NAALADL2: variants seen among roughly 807,000 people sequenced by gnomAD.
NAALADL2 encodes the protein inactive N-acetylated-alpha-linked acidic dipeptidase-like protein 2.
Under a neutral mutation model 87.2 loss-of-function variants are expected in NAALADL2, and 76 were observed. The observed-to-expected ratio is 0.87, with a 90% CI of 0.72 to 1.05. The LOEUF (loss-of-function observed/expected upper bound fraction) is 1.05, where lower values mean the gene tolerates loss of function less well. Ranked by LOEUF, NAALADL2 falls within the 50% of genes least tolerant of loss-of-function variation. NAALADL2 has a pLI of 0.00. For missense variants in NAALADL2, 1,089 were observed against 945.8 expected (o/e 1.15, Z -1.99); for synonymous variants, 354 against 331.0 (o/e 1.07, Z -0.75).
At chr3:174,740,563 T>A (rs1396419077) in intron 3 of NAALADL2, among the ~76,000 whole-genome samples, 1 of 151,888 alleles carries the variant, frequency 6.6e-6, no homozygotes, top group African/African-American at 2.4e-5. Context: ...AGCTCCTGTG[T>A]GAATATTGCA....
At chr3:174,646,595 A>C in intron 2 of NAALADL2, among the ~76,000 whole-genome samples, 1 of 116,518 alleles carries the variant, frequency 8.6e-6, no homozygotes, top group Admixed American at 7.9e-5. Context: ...GAATTCTTTT[A>C]AGATAAACTT....
At position 174,907,539 on chromosome 3, in the gene NAALADL2, G is replaced by GTACAA. The variant is rs1733125534; in HGVS notation, c.43+48089_43+48090insTACAA. 3.9e-5 allele frequency among the ~76,000 whole-genome samples: 6 copies of GTACAA among 152,126 alleles called. No homozygotes were observed. The South Asian group carries it at 1.0e-3, about 26-fold the overall frequency. On this transcript the variant is annotated intron_variant, in intron 1 of 13. Coordinates refer to ENST00000454872, the MANE Select transcript of NAALADL2 (RefSeq NM_207015.3). Reference sequence around the variant, plus strand: ...TCTCATGGCTCTGTATACTATAGAGGAATGTTACAAAAAACATTGAGATTA... The same window carrying GTACAA: ...TCTCATGGCTCTGTATACTATAGAGGTACAAAATGTTACAAAAAACATTGAGATTA...
At chr3:175,667,189 A>AAGAAAGAAAG in intron 11 of NAALADL2, among the ~76,000 whole-genome samples, 1 of 83,104 alleles carries the variant, frequency 1.2e-5, no homozygotes. Context: ...AAGAGAAAGA[A>AAGAAAGAAAG]AGAAAGAAAG....
At chr3:174,489,685 A>T (rs1358409976) in intron 1 of NAALADL2, among the ~76,000 whole-genome samples, 1 of 152,102 alleles carries the variant, frequency 6.6e-6, no homozygotes, top group Non-Finnish European at 1.5e-5. Context: ...TTCTCAGAAG[A>T]AGAAGACATG....
rs1440633273 is a variant in NAALADL2 at position 174,808,184 on chromosome 3, A to G, written c.-9+70438A>G. On this transcript the variant is annotated intron_variant, in intron 3 of 3. Coordinates refer to the NAALADL2 transcript ENST00000434257. ...CATACAGGTATCATTTGCCATGAAC[A>G]AATTCACTATGAAGAGTTGATGCTT... 2.0e-5 allele frequency among the ~76,000 whole-genome samples: 3 copies of G among 152,156 alleles called. No homozygotes were observed. In the East Asian group the frequency reaches 5.8e-4, roughly 29 times the overall value.
chr3:174,957,712 T>C lies in NAALADL2; in HGVS notation c.43+98262T>C, dbSNP rs116512364. ...GCTTGGAATAGAATCTTTAAATGAA[T>C]AGCATATTAACTCTCAGAGATGACA... On this transcript the variant is annotated intron_variant, in intron 1 of 13. Coordinates refer to ENST00000454872, the MANE Select transcript of NAALADL2 (RefSeq NM_207015.3). 1.9e-3 allele frequency among the ~76,000 whole-genome samples: 290 copies of C among 152,078 alleles called. 1 individual carries two copies. The highest frequency in any genetic ancestry group is 3.9e-3 in the Non-Finnish European group (263 of 67,926).
At chr3:175,421,786 G>T (rs1349200066) in intron 5 of NAALADL2, among the ~76,000 whole-genome samples, 1 of 152,036 alleles carries the variant, frequency 6.6e-6, no homozygotes, top group African/African-American at 2.4e-5. Context: ...GCCTGGGAGG[G>T]TGTTATATAT....
intron 1 of NAALADL2, among the ~76,000 whole-genome samples, chr3:175,019,265 T>G (rs1427632831): frequency 6.6e-6 from 1 of 152,044 alleles, no homozygotes; most frequent in Non-Finnish European, 1.5e-5. Flanking sequence ...AGTGTCTGCC[T>G]ATACCTGGTA....
chr3:175,320,235 A>C (rs2110387457), intron 4 of NAALADL2, among the ~76,000 whole-genome samples: 1 of 152,384 alleles, frequency 6.6e-6, no homozygotes, highest in African/African-American at 2.4e-5. Flanking sequence ...TTTTTACAAA[A>C]AAAAATCAAT....
At chr3:175,150,512 G>A (rs1731395015) in intron 2 of NAALADL2, among the ~76,000 whole-genome samples, 1 of 152,104 alleles carries the variant, frequency 6.6e-6, no homozygotes, top group South Asian at 2.1e-4. Flanking sequence ...TATATGGTGA[G>A]TGCACCCACA....
intron 4 of NAALADL2, among the ~76,000 whole-genome samples, chr3:175,290,435 A>T (rs1423222477): frequency 6.6e-6 from 1 of 152,210 alleles, no homozygotes; most frequent in Non-Finnish European, 1.5e-5. Context: ...GTGGTTTCCT[A>T]CAATTGGCAG....
At chr3:175,730,379 C>T (rs1486801190) in intron 11 of NAALADL2, among the ~76,000 whole-genome samples, 1 of 116,144 alleles carries the variant, frequency 8.6e-6, no homozygotes, top group Non-Finnish European at 1.7e-5. Context: ...AGAGTATTTT[C>T]AGAAAACTTA....
intron 3 of NAALADL2, among the ~76,000 whole-genome samples, chr3:174,802,524 G>A (rs957892003): frequency 1.2e-4 from 18 of 152,076 alleles, no homozygotes; most frequent in Non-Finnish European, 2.4e-4. Flanking sequence ...GGGTACATGT[G>A]CACAATGTGC....
At chr3:175,544,270 G>A (rs376553623) in intron 9 of NAALADL2, among the ~76,000 whole-genome samples, 21 of 152,262 alleles carry the variant, frequency 1.4e-4, no homozygotes, top group African/African-American at 4.6e-4. Flanking sequence ...TTGCAATAAT[G>A]AGCAAGTTAT....
chr3:174,487,733 G>C (rs1717944047), intron 1 of NAALADL2, among the ~76,000 whole-genome samples: 1 of 150,816 alleles, frequency 6.6e-6, no homozygotes, highest in Non-Finnish European at 1.5e-5. Flanking sequence ...AGTACAGATT[G>C]CTTGTAGGCA....
At chr3:174,764,469 G>T (rs1157239878) in intron 3 of NAALADL2, among the ~76,000 whole-genome samples, 1 of 152,180 alleles carries the variant, frequency 6.6e-6, no homozygotes, top group Non-Finnish European at 1.5e-5. Flanking sequence ...AATTAGCCAG[G>T]TGTGGTGGTG....
At chr3:175,445,185 G>A (rs1427073384) in intron 5 of NAALADL2, among the ~76,000 whole-genome samples, 1 of 152,102 alleles carries the variant, frequency 6.6e-6, no homozygotes, top group African/African-American at 2.4e-5. Context: ...TATATAAACT[G>A]AATAAGTATT....
intron 9 of NAALADL2, among the ~76,000 whole-genome samples, chr3:175,575,454 T>C (rs954735251): frequency 6.6e-6 from 1 of 151,872 alleles, no homozygotes; most frequent in African/African-American, 2.4e-5. Context: ...CCGGCTAATT[T>C]TTCTATTTTT....
chr3:175,281,324 G>T (rs1754282755), intron 4 of NAALADL2, among the ~76,000 whole-genome samples: 1 of 151,610 alleles, frequency 6.6e-6, no homozygotes, highest in Non-Finnish European at 1.5e-5. Context: ...GCCAGTTAAG[G>T]TTTAATTGCC....
Sources: allele counts gnomAD v4.1 joint callset (sites outside exome capture counted in the v4.1 genomes callset), GRCh38; gene constraint gnomAD v4.1.1; transcripts MANE v1.5; gene names NCBI Gene and HGNC (gene_info 2026-07-23, HGNC 2026-07-21).